NEDD4L: variants seen among roughly 807,000 people sequenced by gnomAD.
NEDD4L encodes the protein NEDD4 like E3 ubiquitin protein ligase.
In NEDD4L, 54 loss-of-function variants were observed where a neutral mutation model predicts 148.9. The ratio of observed to expected loss-of-function variants is 0.36; its 90% CI spans 0.29 to 0.45. The LOEUF is 0.45. Among genes scored for constraint, NEDD4L ranks in the 20% least tolerant of loss-of-function variants. NEDD4L has a pLI of 1.00. For synonymous variants in NEDD4L, 433 were observed against 440.7 expected (o/e 0.98, Z 0.22); for missense variants, 856 against 1,233.8 (o/e 0.69, Z 4.59).
At chr18:58,356,559 C>G (rs967101789) in intron 18 of NEDD4L, among the ~76,000 whole-genome samples, 1 of 152,220 alleles carries the variant, frequency 6.6e-6, no homozygotes, top group Non-Finnish European at 1.5e-5. Context: ...CACATTAACT[C>G]ACTTGGAAGA....
intron 6 of NEDD4L, among the ~76,000 whole-genome samples, chr18:58,320,405 TGCCTTA>T (rs934048724): frequency 1.8e-4 from 27 of 152,372 alleles, no homozygotes; most frequent in African/African-American, 5.8e-4. Flanking sequence ...GAATTTGTTC[TGCCTTA>T]GCTTCTAGTG....
chr18:58,380,810 GA>G (rs1483411722), intron 24 of NEDD4L, among the ~76,000 whole-genome samples: 1 of 152,118 alleles, frequency 6.6e-6, no homozygotes, highest in Admixed American at 6.5e-5. Context: ...ACTTATGAGT[GA>G]AGCTGGAAAC....
rs1171991500 is a variant in NEDD4L at position 58,401,092 on chromosome 18, T to G, written c.*4823T>G. 6.6e-6 allele frequency: 1 copy of G among 152,192 alleles called. No individual in the cohort carries two copies. The highest frequency in any genetic ancestry group is 6.5e-5 in the Admixed American group (1 of 15,282). 9.4% of individuals were successfully genotyped at this position (152,192 alleles called of 1,614,324 possible). On this transcript the variant is annotated 3_prime_UTR_variant, in exon 31 of 31. Coordinates refer to ENST00000400345, the MANE Select transcript of NEDD4L (RefSeq NM_001144967.3). ...AAACCCTAGGAAGATGATGTTAATT[T>G]GCTGTCATTTCCTAATTCAGGATCT...
rs558193436 is a variant in NEDD4L at position 58,059,773 on chromosome 18, C to G, written c.48+15065C>G. On this transcript the variant is annotated intron_variant, in intron 1 of 30. Transcript: ENST00000400345. ...GCCAAGACAGTAGATTTTAAATGTTCTTCGTATGCAAACTTGGTAAGTATG... is the reference window on the plus strand; with the variant it reads ...GCCAAGACAGTAGATTTTAAATGTTGTTCGTATGCAAACTTGGTAAGTATG... 8.5e-5 allele frequency among the ~76,000 whole-genome samples: 13 copies of G among 152,270 alleles called. No homozygotes were observed. The South Asian group carries it at 2.7e-3, about 32-fold the overall frequency.
intron 1 of NEDD4L, among the ~76,000 whole-genome samples, chr18:58,069,136 CAAA>C (rs1161273608): frequency 9.6e-5 from 7 of 73,268 alleles, no homozygotes; most frequent in African/African-American, 1.7e-4. Context: ...AATCTGTCTC[CAAA>C]AAAAAAAAAA....
At chr18:58,210,956 G>A (rs1332407685) in intron 2 of NEDD4L, among the ~76,000 whole-genome samples, 2 of 152,146 alleles carry the variant, frequency 1.3e-5, no homozygotes, top group African/African-American at 2.4e-5. Context: ...ACTATCATCA[G>A]TTGTTACACA....
chr18:58,064,908 C>T (rs2082522195), intron 1 of NEDD4L, among the ~76,000 whole-genome samples: 1 of 152,072 alleles, frequency 6.6e-6, no homozygotes, highest in Non-Finnish European at 1.5e-5. Context: ...TGAGACCAGC[C>T]CGGGCAACAT....
chr18:58,295,946 G>A (rs1250415975), intron 5 of NEDD4L, among the ~76,000 whole-genome samples: 1 of 152,142 alleles, frequency 6.6e-6, no homozygotes, highest in African/African-American at 2.4e-5. Flanking sequence ...GAGTGAAACA[G>A]TATTTCATTT....
chr18:58,296,264 T>G (rs1201069602), intron 5 of NEDD4L, among the ~76,000 whole-genome samples: 1 of 152,222 alleles, frequency 6.6e-6, no homozygotes, highest in African/African-American at 2.4e-5. Flanking sequence ...CTGGTTGATC[T>G]AGGGACAAGG....
chr18:58,101,032 C>T (rs75897673), intron 1 of NEDD4L, among the ~76,000 whole-genome samples: 14,215 of 152,166 alleles, frequency 0.093, 713 homozygotes, highest in Non-Finnish European at 0.11. Context: ...TTTCAAGGTC[C>T]TGGGCTCAAG....
intron 1 of NEDD4L, among the ~76,000 whole-genome samples, chr18:58,083,027 A>C (rs1243207387): frequency 6.6e-6 from 1 of 152,162 alleles, no homozygotes; most frequent in Admixed American, 6.5e-5. Context: ...GCAGGAACTT[A>C]AATTCTTAGT....
intron 23 of NEDD4L, chr18:58,372,296 T>G (rs913523362): frequency 6.6e-5 from 10 of 151,058 alleles, no homozygotes; most frequent in Admixed American, 1.3e-4. Flanking sequence ...TTTTTTTTTT[T>G]GTAGTCATGG....
intron 1 of NEDD4L, among the ~76,000 whole-genome samples, chr18:58,115,179 C>T (rs1393069076): frequency 1.3e-5 from 2 of 151,830 alleles, no homozygotes; most frequent in Non-Finnish European, 2.9e-5. Context: ...TTGCCGACTC[C>T]TATTGGTATT....
At chr18:58,192,779 G>A (rs1046328756) in intron 2 of NEDD4L, among the ~76,000 whole-genome samples, 3 of 152,122 alleles carry the variant, frequency 2.0e-5, no homozygotes, top group African/African-American at 7.2e-5. Context: ...GGAGTTCTAG[G>A]CCTCCAGGAA....
intron 18 of NEDD4L, chr18:58,351,279 GTTTTTT>G: frequency 1.7e-6 from 1 of 599,954 alleles, no homozygotes; most frequent in Non-Finnish European, 2.1e-6. Context: ...CTATTAACGT[GTTTTTT>G]TTTGTTGTTG....
chr18:58,369,507 C>T (rs974353585), intron 22 of NEDD4L, among the ~76,000 whole-genome samples: 2 of 151,688 alleles, frequency 1.3e-5, no homozygotes, highest in Admixed American at 6.6e-5. Flanking sequence ...GCTCATTCTG[C>T]ACATCTGTCC....
chr18:58,165,635 C>T (rs916499098), intron 1 of NEDD4L, 153 bp from the exon 2 acceptor site: 7 of 1,506,844 alleles, frequency 4.6e-6, no homozygotes, highest in Non-Finnish European at 6.2e-6. Context: ...GCTTTTTGAA[C>T]TTCAGTGTAA....
At chr18:58,179,189 G>A (rs192863486) in intron 2 of NEDD4L, among the ~76,000 whole-genome samples, 50 of 152,266 alleles carry the variant, frequency 3.3e-4, no homozygotes, top group African/African-American at 1.2e-3. Context: ...GCTCTCTGGA[G>A]TGTGATTTCA....
At chr18:58,298,253 A>T (rs999485191) in intron 5 of NEDD4L, among the ~76,000 whole-genome samples, 1 of 152,112 alleles carries the variant, frequency 6.6e-6, no homozygotes, top group Admixed American at 6.5e-5. Flanking sequence ...AGAAAAAATA[A>T]TTTTTTTCTG....
Sources: gnomAD v4.1 joint callset for allele counts (sites outside exome capture counted in the v4.1 genomes callset) on GRCh38, gnomAD v4.1.1 for gene constraint, MANE v1.5 for transcripts, NCBI Gene and HGNC (gene_info 2026-07-23, HGNC 2026-07-21) for gene names.